RTN4IP1: variants seen among roughly 807,000 people sequenced by gnomAD.
RTN4IP1 encodes the protein reticulon 4 interacting protein 1, also known as NAD(P)H oxidoreductase RTN4IP1, mitochondrial.
RTN4IP1 carries 32 observed loss-of-function variants against 46.6 expected under a neutral mutation model. The observed-to-expected ratio is 0.69, with a 90% CI of 0.52 to 0.92. The LOEUF (loss-of-function observed/expected upper bound fraction) is 0.92. Ranked by LOEUF, RTN4IP1 falls within the 40% of genes least tolerant of loss-of-function variation. The pLI is 0.00. For synonymous variants in RTN4IP1, 167 were observed against 161.8 expected (o/e 1.03, Z -0.24); for missense variants, 424 against 485.8 (o/e 0.87, Z 1.20).
intron 5 of RTN4IP1, among the ~76,000 whole-genome samples, chr6:106,596,592 G>C (rs1775799431): frequency 6.6e-6 from 1 of 152,068 alleles, no homozygotes; most frequent in Non-Finnish European, 1.5e-5. Context: ...CAAAAATAAT[G>C]ACAACTATTG....
At chr6:106,575,280 C>T (rs1239656564) in intron 8 of RTN4IP1, among the ~76,000 whole-genome samples, 10 of 152,302 alleles carry the variant, frequency 6.6e-5, no homozygotes, top group South Asian at 4.1e-4. Flanking sequence ...GGCTCACAGC[C>T]GGCCAGGGAC....
upstream of RTN4IP1, chr6:106,629,571 A>G (rs1776760254): frequency 1.5e-6 from 2 of 1,348,078 alleles, no homozygotes; most frequent in Admixed American, 2.2e-5. Flanking sequence ...TCGGTGTTGA[A>G]GGGCTCAGTG....
chr6:106,596,337 C>A (rs1775791794), intron 5 of RTN4IP1, among the ~76,000 whole-genome samples: 1 of 152,132 alleles, frequency 6.6e-6, no homozygotes, highest in South Asian at 2.1e-4. Context: ...AATCCCAGCA[C>A]TTTGGGAGGC....
At chr6:106,573,480 T>C (rs1196225171) in intron 8 of RTN4IP1, among the ~76,000 whole-genome samples, 2 of 152,234 alleles carry the variant, frequency 1.3e-5, no homozygotes, top group Non-Finnish European at 2.9e-5. Context: ...AAAATACTTT[T>C]GTACCCACAA....
chr6:106,614,159 G>C (rs1776294286), intron 4 of RTN4IP1, among the ~76,000 whole-genome samples: 1 of 152,146 alleles, frequency 6.6e-6, no homozygotes, highest in Admixed American at 6.5e-5. Flanking sequence ...GATATTTTGG[G>C]TTCACAAATC....
At chr6:106,578,506 G>A (rs995133406) in intron 8 of RTN4IP1, among the ~76,000 whole-genome samples, 1 of 152,216 alleles carries the variant, frequency 6.6e-6, no homozygotes, top group African/African-American at 2.4e-5. Context: ...TATGAAAACA[G>A]GAACTGTTTT....
intron 5 of RTN4IP1, among the ~76,000 whole-genome samples, chr6:106,596,261 T>A (rs537082422): frequency 1.3e-5 from 2 of 152,328 alleles, no homozygotes; most frequent in Non-Finnish European, 2.9e-5. Flanking sequence ...TGGCTTTACA[T>A]ACACACATAC....
At chr6:106,618,282 T>TA (rs68118253) in intron 4 of RTN4IP1, among the ~76,000 whole-genome samples, 12,246 of 151,794 alleles carry the variant, frequency 0.081, 1,251 homozygotes, top group African/African-American at 0.23. Flanking sequence ...TCCTTAGTAA[T>TA]AAAAAAAACT....
intron 8 of RTN4IP1, among the ~76,000 whole-genome samples, chr6:106,580,723 A>G (rs945817944): frequency 3.0e-5 from 4 of 135,406 alleles, no homozygotes; most frequent in African/African-American, 1.2e-4. Flanking sequence ...TGTCTCAAAG[A>G]AAAAAAAAAA....
intron 8 of RTN4IP1, among the ~76,000 whole-genome samples, chr6:106,582,887 C>T (rs1775403313): frequency 6.6e-6 from 1 of 152,184 alleles, no homozygotes; most frequent in Non-Finnish European, 1.5e-5. Flanking sequence ...TCAATCCTCA[C>T]TCACCCTAGC....
rs554977771 is a variant in RTN4IP1 at position 106,597,865 on chromosome 6, T to C, written c.669+5009A>G. Among the ~76,000 whole-genome samples, 57 of 152,142 alleles carry C rather than the reference T, an allele frequency of 3.7e-4. 1 individual carries two copies. The highest frequency in any genetic ancestry group is 1.3e-3 in the African/African-American group (55 of 41,482). ...CCCCGCTCCCCGCACCCCACCACAG[T>C]CCCCAGAGTGTGATATTCCCCTTCC... On this transcript the variant is annotated intron_variant, in intron 5 of 8. Coordinates refer to ENST00000369063, the MANE Select transcript of RTN4IP1 (RefSeq NM_032730.5).
At chr6:106,576,435 T>C (rs952162884) in intron 8 of RTN4IP1, among the ~76,000 whole-genome samples, 1 of 152,160 alleles carries the variant, frequency 6.6e-6, no homozygotes, top group African/African-American at 2.4e-5. Context: ...TCAGAAGCAT[T>C]GAGGCCATGG....
intron 7 of RTN4IP1, chr6:106,583,708 C>T (rs1775420968): frequency 2.9e-6 from 1 of 341,814 alleles, no homozygotes; most frequent in African/African-American, 2.1e-5. Context: ...TTAAAATGAT[C>T]ATCTAAATGG....
At chr6:106,599,801 G>A (rs1775896905) in intron 5 of RTN4IP1, among the ~76,000 whole-genome samples, 1 of 150,286 alleles carries the variant, frequency 6.7e-6, no homozygotes. Flanking sequence ...TCTATCTATA[G>A]GTTATAATCC....
intron 5 of RTN4IP1, among the ~76,000 whole-genome samples, chr6:106,601,405 G>GT (rs962245811): frequency 2.0e-5 from 3 of 152,028 alleles, no homozygotes; most frequent in African/African-American, 4.8e-5. Context: ...ACATACAAAA[G>GT]TTTTTTTAAT....
chr6:106,592,846 T>C (rs1316264897), intron 5 of RTN4IP1, among the ~76,000 whole-genome samples: 1 of 151,960 alleles, frequency 6.6e-6, no homozygotes, highest in African/African-American at 2.4e-5. Context: ...GGAGAATCGC[T>C]TGAACCCCGG....
chr6:106,620,875 A>C (rs1776468729), intron 3 of RTN4IP1, among the ~76,000 whole-genome samples: 2 of 152,158 alleles, frequency 1.3e-5, no homozygotes, highest in Admixed American at 6.5e-5. Context: ...CGTCCTAATT[A>C]GTTTTTGAGA....
rs548655018 is a variant in RTN4IP1, at chr6:106,581,876, C to A, written c.1083+1452G>T. ...GAGCAGATAGCAGGACAAGCACAAT[C>A]GTGGACTTCTAGAGGACAAAGACCT... On this transcript the variant is annotated intron_variant, in intron 8 of 8. Transcript: ENST00000369063. Among the ~76,000 whole-genome samples the A allele has an allele frequency of 2.9e-3, 437 of 152,296 alleles. 4 individuals are homozygous for A. The highest frequency in any genetic ancestry group is 0.01 in the African/African-American group (418 of 41,556).
At chr6:106,626,221 T>C (rs1776638900) in intron 1 of RTN4IP1, among the ~76,000 whole-genome samples, 1 of 151,446 alleles carries the variant, frequency 6.6e-6, no homozygotes, top group Non-Finnish European at 1.5e-5. Context: ...GTGTTACTAA[T>C]AAAAAATCAA....
Sources: gnomAD v4.1 joint callset for allele counts (sites outside exome capture counted in the v4.1 genomes callset) on GRCh38, gnomAD v4.1.1 for gene constraint, MANE v1.5 for transcripts, NCBI Gene and HGNC (gene_info 2026-07-23, HGNC 2026-07-21) for gene names.